MEF2C: variants seen among roughly 807,000 people sequenced by gnomAD.
MEF2C encodes myocyte-specific enhancer factor 2C.
In MEF2C, 6 loss-of-function variants were observed where a neutral mutation model predicts 50.5. The observed-to-expected ratio is 0.12, with a 90% confidence interval of 0.07 to 0.23. The LOEUF is 0.23. Among genes scored for constraint, MEF2C ranks in the 10% least tolerant of loss-of-function variants. The pLI is 1.00. For missense variants in MEF2C, 276 were observed against 605.0 expected (o/e 0.46, Z 5.70); for synonymous variants, 183 against 228.0 (o/e 0.80, Z 1.78).
chr5:88,746,326 T>G (rs116035236), intron 6 of MEF2C, among the ~76,000 whole-genome samples: 3 of 152,198 alleles, frequency 2.0e-5, no homozygotes, highest in African/African-American at 4.8e-5. Flanking sequence ...CTACACTTTA[T>G]GATAAAACTG....
At chr5:88,780,084 T>C (rs1580565338) in intron 3 of MEF2C, among the ~76,000 whole-genome samples, 1 of 151,656 alleles carries the variant, frequency 6.6e-6, no homozygotes, top group Non-Finnish European at 1.5e-5. Flanking sequence ...GAGGTGGAGG[T>C]TGCAGTGAGC....
rs1293395410 is a variant in MEF2C, at chr5:88,861,736, C to T, written c.-143+21219G>A. On this transcript the variant is annotated intron_variant, in intron 1 of 10. Coordinates refer to ENST00000504921, the MANE Select transcript of MEF2C (RefSeq NM_002397.5). ...TCATATTGACTCTTTGGAGGGTTTT[C>T]AGTTGTATTTAAAAATATAAATTTC... 2.6e-5 allele frequency among the ~76,000 whole-genome samples: 4 copies of T among 152,084 alleles called. No individual in the cohort carries two copies. In the East Asian group the frequency reaches 7.7e-4, roughly 29 times the overall value.
chr5:88,811,014 A>C (rs1581076321), intron 2 of MEF2C, among the ~76,000 whole-genome samples: 1 of 152,116 alleles, frequency 6.6e-6, no homozygotes, highest in East Asian at 1.9e-4. Flanking sequence ...AATTTTGGGA[A>C]AGGATCTAAA....
Position 88,850,810 on chromosome 5 carries a change from TGA to T in MEF2C, c.-142-26882_-142-26881del, listed in dbSNP as rs1238345439. 4.6e-5 allele frequency among the ~76,000 whole-genome samples: 7 copies of T among 152,066 alleles called. No homozygotes were observed. In the South Asian group the frequency reaches 6.2e-4, roughly 14 times the overall value. On this transcript the variant is annotated intron_variant, in intron 1 of 10. Coordinates refer to ENST00000504921, the MANE Select transcript of MEF2C (RefSeq NM_002397.5). Reference sequence around the variant, plus strand: ...TTGAACAACACCCACAGGTTAGAACTGAGAGAGTCCACTTACACATGAATTTT... The same window carrying T: ...TTGAACAACACCCACAGGTTAGAACTGAGAGTCCACTTACACATGAATTTT...
chr5:88,783,816 T>C (rs940424059), intron 3 of MEF2C, among the ~76,000 whole-genome samples: 2 of 152,222 alleles, frequency 1.3e-5, no homozygotes, highest in African/African-American at 4.8e-5. Context: ...ATGTATTTTC[T>C]ACCTTAATTG....
chr5:88,868,796 C>T (rs1446100387), intron 1 of MEF2C, among the ~76,000 whole-genome samples: 1 of 152,018 alleles, frequency 6.6e-6, no homozygotes. Flanking sequence ...GATAAAAAGT[C>T]GAGTTATCTG....
chr5:88,826,655 G>T lies in MEF2C; in HGVS notation c.-142-2725C>A, dbSNP rs1289847961. Among the ~76,000 whole-genome samples, 7 of 152,040 alleles carry T rather than the reference G, an allele frequency of 4.6e-5. No individual in the cohort carries two copies. In the East Asian group the frequency reaches 1.4e-3, roughly 30 times the overall value. On this transcript the variant is annotated intron_variant, in intron 1 of 10. Transcript: ENST00000504921. ...AAAGGTCAGTTTCAAGTATCAATTTGTAGGAGGCCTAGAGAGGCGAAGAAA... is the reference window on the plus strand; with the variant it reads ...AAAGGTCAGTTTCAAGTATCAATTTTTAGGAGGCCTAGAGAGGCGAAGAAA...
chr5:88,837,002 C>CAAA (rs10692741), intron 1 of MEF2C, among the ~76,000 whole-genome samples: 5,395 of 85,940 alleles, frequency 0.063, 298 homozygotes, highest in African/African-American at 0.12. Context: ...AGCTGTTTCT[C>CAAA]AAAAAAAAAA....
intron 2 of MEF2C, among the ~76,000 whole-genome samples, chr5:88,822,901 C>T (rs1304801309): frequency 2.6e-5 from 4 of 151,946 alleles, no homozygotes; most frequent in Non-Finnish European, 4.4e-5. Flanking sequence ...TATAATTTCT[C>T]CCAGGACCAT....
intron 3 of MEF2C, among the ~76,000 whole-genome samples, chr5:88,787,533 A>G (rs1791561070): frequency 6.6e-6 from 1 of 152,180 alleles, no homozygotes; most frequent in Non-Finnish European, 1.5e-5. Context: ...ACTGGAACTG[A>G]ATTTTTAATC....
chr5:88,825,626 A>G, intron 1 of MEF2C: 1 of 984,904 alleles, frequency 1.0e-6, no homozygotes. Flanking sequence ...TGCATCATAT[A>G]TTTGATGTTG....
At position 88,883,030 on chromosome 5, in the gene MEF2C, TAAC is replaced by T. The variant is rs1833449180; in HGVS notation, c.-221_-219del. The T allele has an allele frequency of 2.0e-5, 3 of 150,902 alleles. No homozygotes were observed. The highest frequency in any genetic ancestry group is 3.0e-5 in the Non-Finnish European group (2 of 67,586). The allele number at this position is 150,902 out of a possible 1,614,324, so 9.3% of individuals were successfully genotyped here. A position where few individuals can be genotyped will look rare whatever the true frequency, so the allele number is the denominator to read the frequency against. The stretch of plus-strand genomic sequence containing the variant: ...GAGAGAGAGAGAGAGAAAAAAAAAA[TAAC>T]AACAATAATCTTTACTTCGTCCAGC... On this transcript the variant is annotated 5_prime_UTR_variant, in exon 1 of 11. Coordinates refer to ENST00000504921, the MANE Select transcript of MEF2C (RefSeq NM_002397.5).
At chr5:88,785,454 T>C (rs1790416386) in intron 3 of MEF2C, 1 of 152,110 alleles carries the variant, frequency 6.6e-6, no homozygotes, top group Non-Finnish European at 1.5e-5. Flanking sequence ...GTGAAAATAA[T>C]AATTTTAAGA....
At chr5:88,850,166 A>G (rs950096914) in intron 1 of MEF2C, among the ~76,000 whole-genome samples, 2 of 148,248 alleles carry the variant, frequency 1.3e-5, no homozygotes, top group Non-Finnish European at 3.0e-5. Flanking sequence ...ACTTCCCCCT[A>G]TGAGTGAGAA....
chr5:88,766,188 T>C (rs527980067), intron 3 of MEF2C, among the ~76,000 whole-genome samples: 2 of 152,138 alleles, frequency 1.3e-5, no homozygotes, highest in African/African-American at 2.4e-5. Flanking sequence ...AAACTGATGA[T>C]GATAGGTGAC....
intron 3 of MEF2C, among the ~76,000 whole-genome samples, chr5:88,785,007 G>A (rs926397136): frequency 1.3e-5 from 2 of 152,036 alleles, no homozygotes; most frequent in Admixed American, 6.6e-5. Context: ...TTTACAAGAC[G>A]GAAGGAGACC....
At chr5:88,874,910 T>C (rs754553271) in intron 1 of MEF2C, among the ~76,000 whole-genome samples, 4 of 151,984 alleles carry the variant, frequency 2.6e-5, no homozygotes, top group Non-Finnish European at 5.9e-5. Context: ...TCCCATTTAA[T>C]ACATTTCTAA....
chr5:88,734,561 G>GTTTGTTTTTTTT (rs1197421305), intron 6 of MEF2C: 5 of 254,382 alleles, frequency 2.0e-5, no homozygotes, highest in African/African-American at 5.6e-5. Context: ...CTTGAGAAAA[G>GTTTGTTTTTTTT]TTTGTTTTTT....
At chr5:88,828,306 T>C (rs304152) in intron 1 of MEF2C, among the ~76,000 whole-genome samples, 2 of 151,794 alleles carry the variant, frequency 1.3e-5, no homozygotes, top group African/African-American at 4.8e-5. Flanking sequence ...CATGTATTTT[T>C]CTGCAATAAG....
Sources: allele counts gnomAD v4.1 joint callset (sites outside exome capture counted in the v4.1 genomes callset), GRCh38; gene constraint gnomAD v4.1.1; transcripts MANE v1.5; gene names NCBI Gene and HGNC (gene_info 2026-07-23, HGNC 2026-07-21).